KCNAB2: variants seen among roughly 807,000 people sequenced by gnomAD.
KCNAB2 encodes potassium voltage-gated channel subfamily A regulatory beta subunit 2.
In KCNAB2, 29 loss-of-function variants were observed where a neutral mutation model predicts 63.6. That is an observed-to-expected ratio of 0.46 (90% CI 0.34 to 0.62). The LOEUF (loss-of-function observed/expected upper bound fraction) is 0.62. Ranked by LOEUF, KCNAB2 falls within the 20% of genes least tolerant of loss-of-function variation. KCNAB2 has a pLI of 0.01. For synonymous variants in KCNAB2, 222 were observed against 224.2 expected (o/e 0.99, Z 0.09); for missense variants, 359 against 563.9 (o/e 0.64, Z 3.68).
chr1:6,024,726 G>A lies in KCNAB2; in HGVS notation c.-52-15791G>A, dbSNP rs926259161. ...CCGTGCTGGGGGCCAAGAGGATAAC[G>A]GCTGTTCTCTGGCTCTGGGAGGCAG... On this transcript the variant is annotated intron_variant, in intron 1 of 16. Transcript: ENST00000341524. The surrounding 1 kb of genome is among the most constrained non-coding windows in gnomAD (Gnocchi z 5.4). Among the ~76,000 whole-genome samples, 1 of 152,178 alleles carries A rather than the reference G, an allele frequency of 6.6e-6. No individual in the cohort carries two copies. Among genetic ancestry groups the A allele is most frequent in the Non-Finnish European group, 1.5e-5 (1 of 68,048 alleles).
At chr1:6,038,982 G>A (rs758190093) in intron 1 of KCNAB2, among the ~76,000 whole-genome samples, 1 of 152,192 alleles carries the variant, frequency 6.6e-6, no homozygotes, top group Non-Finnish European at 1.5e-5. Flanking sequence ...AGGCATGGGG[G>A]TGCAGCAGTG....
At position 6,097,476 on chromosome 1, in the gene KCNAB2, T is replaced by C. The variant is rs538987809; in HGVS notation, c.1158+119T>C. 5.7e-4 allele frequency: 864 copies of C among 1,516,854 alleles called. 14 individuals carry two copies. The South Asian group carries it at 9.9e-3, about 17-fold the overall frequency. The allele number at this position is 1,516,854 out of a possible 1,614,324, so 94.0% of individuals were successfully genotyped here. On this transcript the variant is annotated intron_variant, in intron 15 of 15. Transcript: ENST00000378083. ...GTTCTAGGCACTCAGGATGCGCCCG[T>C]GAACCATCAGAGTTGTGCTCCTGGA...
In KCNAB2 at chr1:6,000,849, C is replaced by T. The variant is rs972994739; in HGVS notation, c.-53+8061C>T. On this transcript the variant is annotated intron_variant, in intron 1 of 16. Coordinates refer to the KCNAB2 transcript ENST00000341524. ...ACTTGCTCCTCATTAACTCATGAAT[C>T]GGGAGCCAGGATAAGGTCGCTGCCC... 4.6e-5 allele frequency among the ~76,000 whole-genome samples: 7 copies of T among 152,160 alleles called. No individual in the cohort carries two copies. In the East Asian group the frequency reaches 1.2e-3, roughly 25 times the overall value.
intron 2 of KCNAB2, among the ~76,000 whole-genome samples, chr1:6,068,738 G>T (rs150061513): frequency 6.6e-6 from 1 of 152,288 alleles, no homozygotes; most frequent in South Asian, 2.1e-4. Flanking sequence ...GGTGCAAGAG[G>T]GGGGCAGCAG....
At chr1:6,025,527 G>A (rs1659091883) in intron 1 of KCNAB2, among the ~76,000 whole-genome samples, 2 of 152,220 alleles carry the variant, frequency 1.3e-5, no homozygotes, top group Non-Finnish European at 2.9e-5. Context: ...GGGAGAGGCC[G>A]CGGGGAGGGA....
intron 1 of KCNAB2, among the ~76,000 whole-genome samples, chr1:6,048,311 C>T (rs538082322): frequency 2.6e-5 from 4 of 152,316 alleles, no homozygotes; most frequent in South Asian, 2.1e-4. Flanking sequence ...TCTTATCCCA[C>T]GCCCCCCAAC....
chr1:6,072,768 T>C lies in KCNAB2; in HGVS notation c.232T>C (p.Ser78Pro). ...TTTGTTTTTCAGGAACCTGGGCAAG[T>C]CTGGCCTGCGGGTCTCCTGCCTGGG... ...TGMKYRNLGK[S>P]GLRVSCLGLG... Residue 78 changes from serine to proline, a missense_variant, in exon 3 of 16, where the codon TCT (serine) becomes CCT (proline). Transcript: ENST00000378083. The C allele has an allele frequency of 6.2e-7, 1 of 1,613,790 alleles. No individual in the cohort carries two copies. Among genetic ancestry groups the C allele is most frequent in the Non-Finnish European group, 8.5e-7 (1 of 1,179,840 alleles).
upstream of KCNAB2, among the ~76,000 whole-genome samples, chr1:6,042,027 C>G (rs939263758): frequency 1.3e-5 from 2 of 151,880 alleles, no homozygotes; most frequent in Non-Finnish European, 2.9e-5. Flanking sequence ...CTGTGCCTAC[C>G]CACAGGATGC....
chr1:6,087,431 G>A lies in KCNAB2; in HGVS notation c.426-36G>A, dbSNP rs887271553. On this transcript the variant is annotated intron_variant, in intron 6 of 15. Transcript: ENST00000378083. This position sits in a 1 kb window ranked among gnomAD's most constrained non-coding sequence, Gnocchi z 6.4. The stretch of plus-strand genomic sequence containing the variant: ...TGAAGGAGGACCCCCCAGGGGCCGG[G>A]CTTATCACACCCCTTCTTTCTCTTC... 6.2e-7 allele frequency: 1 copy of A among 1,611,904 alleles called. No homozygotes were observed. Among genetic ancestry groups the A allele is most frequent in the African/African-American group, 1.3e-5 (1 of 75,010 alleles).
intron 5 of KCNAB2, among the ~76,000 whole-genome samples, chr1:6,084,819 A>G (rs1664551915): frequency 6.6e-6 from 1 of 152,154 alleles, no homozygotes; most frequent in Non-Finnish European, 1.5e-5. Context: ...CAAAAAAAAA[A>G]AAACAAGATA....
chr1:6,084,605 G>C (rs958841699), intron 5 of KCNAB2, among the ~76,000 whole-genome samples: 44 of 151,934 alleles, frequency 2.9e-4, no homozygotes, highest in Admixed American at 5.2e-4. Context: ...CACTCGAGAT[G>C]AGGAGTTCGA....
chr1:6,094,499 G>A lies in KCNAB2; in HGVS notation c.732+14G>A, dbSNP rs768766663. On this transcript the variant is annotated intron_variant, in intron 11 of 15. Coordinates refer to ENST00000378083, the MANE Select transcript of KCNAB2 (RefSeq NM_001199862.2). ...ATGGAGATCATGGTACGGTGGCCGC[G>A]CAGCATGTGTGTGTCCAGGCACAGA... is the stretch of plus-strand genomic sequence containing the variant. The A allele has an allele frequency of 1.6e-5, 26 of 1,598,464 alleles. No homozygotes were observed. The highest frequency in any genetic ancestry group is 1.7e-4 in the Middle Eastern group (1 of 5,942).
At chr1:6,058,491 C>T (rs1662031856) in intron 2 of KCNAB2, among the ~76,000 whole-genome samples, 1 of 152,236 alleles carries the variant, frequency 6.6e-6, no homozygotes, top group African/African-American at 2.4e-5. Context: ...GGGGTCACTA[C>T]AGCAGAATTG....
rs375834240 is a variant in KCNAB2, at chr1:6,067,603, G to A, written c.219-5152G>A. Reference sequence around the variant, plus strand: ...CGTGTCTCTTCCTTCCCTGCGTCCTGGGAGGGTGAGACATGCTTTAATGAA... The same window carrying A: ...CGTGTCTCTTCCTTCCCTGCGTCCTAGGAGGGTGAGACATGCTTTAATGAA... On this transcript the variant is annotated intron_variant, in intron 2 of 15. Coordinates refer to ENST00000378083, the MANE Select transcript of KCNAB2 (RefSeq NM_001199862.2). Among the ~76,000 whole-genome samples, 5 of 152,300 alleles carry A rather than the reference G, an allele frequency of 3.3e-5. No homozygotes were observed. The East Asian group carries it at 7.7e-4, about 23-fold the overall frequency.
At chr1:6,048,842 G>T (rs1661157656) in intron 1 of KCNAB2, among the ~76,000 whole-genome samples, 1 of 152,220 alleles carries the variant, frequency 6.6e-6, no homozygotes, top group South Asian at 2.1e-4. Flanking sequence ...CGCGCATGGA[G>T]GGAAGGGAGT....
rs957330984 is a variant in KCNAB2 at position 6,097,124 on chromosome 1, G to A, written c.1070-145G>A. Reference sequence around the variant, plus strand: ...TCCAGCCACCTCTTAGACAAAGCCCGTGCCCAGCACTGCAGGGCTTCCTAG... The same window carrying A: ...TCCAGCCACCTCTTAGACAAAGCCCATGCCCAGCACTGCAGGGCTTCCTAG... On this transcript the variant is annotated intron_variant, in intron 14 of 15. Transcript: ENST00000378083. 2.3e-5 allele frequency: 21 copies of A among 904,888 alleles called. 1 individual carries two copies. Among genetic ancestry groups the A allele is most frequent in the Non-Finnish European group, 3.1e-5 (19 of 616,236 alleles). The allele number at this position is 904,888 out of a possible 1,614,324, so 56.1% of individuals were successfully genotyped here.
chr1:6,090,997 G>A (rs980775906), intron 9 of KCNAB2, among the ~76,000 whole-genome samples: 17 of 152,088 alleles, frequency 1.1e-4, no homozygotes, highest in Non-Finnish European at 1.5e-5. Context: ...AGCCCCCTCC[G>A]CTCCCCCATC....
At chr1:6,042,630 C>G (rs916440211), upstream of KCNAB2, among the ~76,000 whole-genome samples, 2 of 152,142 alleles carry the variant, frequency 1.3e-5, no homozygotes, top group African/African-American at 2.4e-5. Context: ...CCTCCCCATG[C>G]CTTGGGACTG....
rs111754266 is a variant in KCNAB2, at chr1:6,098,480, C to A, written c.1159-5C>A. 1 of 1,613,694 alleles carries A rather than the reference C, an allele frequency of 6.2e-7. No homozygotes were observed. The highest frequency in any genetic ancestry group is 1.3e-5 in the African/African-American group (1 of 74,906). ...ATTCTGATTTGTTGTTGTTCTTGCACGCAGGTCCTTCCGAAACTGTCATCT... is the reference window on the plus strand; with the variant it reads ...ATTCTGATTTGTTGTTGTTCTTGCAAGCAGGTCCTTCCGAAACTGTCATCT... On this transcript the variant is annotated splice_region_variant and splice_polypyrimidine_tract_variant and intron_variant, in intron 15 of 15. Transcript: ENST00000378083.
Sources: gnomAD v4.1 joint callset for allele counts (sites outside exome capture counted in the v4.1 genomes callset) on GRCh38, gnomAD v4.1.1 for gene constraint, Gnocchi (gnomAD v3.1) non-coding constraint, MANE v1.5 for transcripts, NCBI Gene and HGNC (gene_info 2026-07-23, HGNC 2026-07-21) for gene names.